BTG4: variants seen among roughly 807,000 people sequenced by gnomAD.
The protein encoded by BTG4 is protein BTG4.
A neutral mutation model predicts 19.3 loss-of-function variants in BTG4; 10 were observed. That is an observed-to-expected ratio of 0.52 (90% CI 0.32 to 0.88). BTG4 has a LOEUF of 0.88. BTG4 is among the 40% of genes least tolerant of loss of function. BTG4 has a pLI of 0.04. For missense variants in BTG4, 238 were observed against 281.9 expected, an observed-to-expected ratio of 0.84 and a Z score of 1.11; for synonymous variants, 91 against 95.7, an observed-to-expected ratio of 0.95 and a Z score of 0.29.
chr11:111,431,334 C>G, the BTG4 span, among the ~76,000 whole-genome samples: 8 of 152,174 alleles, frequency 5.3e-5, no homozygotes, highest in African/African-American at 1.9e-4. Flanking sequence ...ACTGAATTTA[C>G]AGTATCTCAT....
chr11:111,423,524 A>G, the BTG4 span, among the ~76,000 whole-genome samples: 8 of 152,246 alleles, frequency 5.3e-5, no homozygotes, highest in East Asian at 1.5e-3. Flanking sequence ...CCTACTAACT[A>G]CCTCCCAGAG....
At chr11:111,424,864 C>G in the BTG4 span, among the ~76,000 whole-genome samples, 2 of 152,106 alleles carry the variant, frequency 1.3e-5, no homozygotes, top group Admixed American at 1.3e-4. Context: ...GAGGCTGATG[C>G]AGGAGAATCA....
Position 111,494,877 on chromosome 11 carries a change from A to G in BTG4, c.*258T>C. The G allele has an allele frequency of 1.0e-6, 1 of 983,148 alleles. No individual in the cohort carries two copies. The highest frequency in any genetic ancestry group is 1.2e-6 in the Non-Finnish European group (1 of 827,826). The allele number at this position is 983,148 out of a possible 1,614,324, so 60.9% of individuals were successfully genotyped here. A position where few individuals can be genotyped will look rare whatever the true frequency, so the allele number is the denominator to read the frequency against. ...TTCATAATTCATTGAGTCTTATTAG[A>G]GGTCAACATCTTCATTCTGTTACCT... On this transcript the variant is annotated 3_prime_UTR_variant, in exon 5 of 5. Transcript: ENST00000692032.
At chr11:111,402,058 T>A in the BTG4 span, among the ~76,000 whole-genome samples, 1 of 152,212 alleles carries the variant, frequency 6.6e-6, no homozygotes, top group Non-Finnish European at 1.5e-5. Flanking sequence ...AATCCCCACA[T>A]GTCATGGGAG....
intron 1 of BTG4, among the ~76,000 whole-genome samples, chr11:111,502,267 C>T (rs1201997464): frequency 1.3e-5 from 2 of 152,068 alleles, no homozygotes; most frequent in Non-Finnish European, 2.9e-5. Flanking sequence ...CCACCACGCC[C>T]GGCCAAGACA....
the BTG4 span, among the ~76,000 whole-genome samples, chr11:111,398,691 T>A: frequency 6.6e-6 from 1 of 152,170 alleles, no homozygotes; most frequent in Non-Finnish European, 1.5e-5. Flanking sequence ...GTGCTGCTGC[T>A]GGTCTGGGAA....
chr11:111,427,070 G>A, the BTG4 span, among the ~76,000 whole-genome samples: 1 of 152,152 alleles, frequency 6.6e-6, no homozygotes, highest in Non-Finnish European at 1.5e-5. Flanking sequence ...CTTCATAAGT[G>A]GGTAAGAAAA....
the BTG4 span, chr11:111,455,047 G>A: frequency 1.1e-5 from 5 of 455,846 alleles, no homozygotes; most frequent in Non-Finnish European, 1.8e-5. Context: ...CCCAGCCTCC[G>A]CTAACCGGCT....
chr11:111,503,979 T>A (rs1437696037), intron 1 of BTG4, among the ~76,000 whole-genome samples: 2 of 152,152 alleles, frequency 1.3e-5, no homozygotes, highest in African/African-American at 4.8e-5. Flanking sequence ...AAAGTAATTT[T>A]AAAATATCAT....
the BTG4 span, among the ~76,000 whole-genome samples, chr11:111,413,526 T>C: frequency 6.6e-6 from 1 of 152,260 alleles, no homozygotes; most frequent in East Asian, 1.9e-4. Flanking sequence ...ACAATAAAGA[T>C]ATCCTTTTTG....
At chr11:111,472,050 C>G (rs778682187) in intron 5 of BTG4, among the ~76,000 whole-genome samples, 6 of 152,238 alleles carry the variant, frequency 3.9e-5, no homozygotes, top group Non-Finnish European at 7.3e-5. Context: ...GCCCGGATTA[C>G]TATAATCCTT....
the BTG4 span, among the ~76,000 whole-genome samples, chr11:111,411,784 G>C: frequency 6.6e-6 from 1 of 152,140 alleles, no homozygotes; most frequent in South Asian, 2.1e-4. Flanking sequence ...AAAAAAGTAA[G>C]CTCCATGGTA....
At chr11:111,504,454 G>A (rs1032600518) in intron 1 of BTG4, among the ~76,000 whole-genome samples, 17 of 151,934 alleles carry the variant, frequency 1.1e-4, no homozygotes, top group East Asian at 3.8e-4. Context: ...TGTTTTATCC[G>A]CCACAAGCTT....
At chr11:111,435,717 T>C in the BTG4 span, among the ~76,000 whole-genome samples, 3,126 of 152,206 alleles carry the variant, frequency 0.021, 120 homozygotes, top group African/African-American at 0.072. Context: ...AGCAGAGATG[T>C]TGGGGAAGAT....
the BTG4 span, among the ~76,000 whole-genome samples, chr11:111,428,783 T>C: frequency 6.6e-6 from 1 of 152,094 alleles, no homozygotes; most frequent in Non-Finnish European, 1.5e-5. Context: ...GGTCTACCAG[T>C]GTGAGAGGCA....
downstream of BTG4, chr11:111,463,162 C>A (rs1863505146): frequency 6.5e-6 from 1 of 152,704 alleles, no homozygotes; most frequent in Non-Finnish European, 1.5e-5. Flanking sequence ...CCAGCTGTTG[C>A]ACACCCAGGT....
chr11:111,511,660 G>A (rs1866926647), intron 1 of BTG4, among the ~76,000 whole-genome samples: 2 of 152,228 alleles, frequency 1.3e-5, no homozygotes, highest in African/African-American at 4.8e-5. Flanking sequence ...AGGCAAAGGA[G>A]GGGAAGGAAA....
At chr11:111,485,232 A>C (rs528306917) in intron 5 of BTG4, among the ~76,000 whole-genome samples, 1 of 152,284 alleles carries the variant, frequency 6.6e-6, no homozygotes, top group East Asian at 1.9e-4. Context: ...CACTGGACTT[A>C]ATCTGTACTG....
chr11:111,436,318 A>G, the BTG4 span, among the ~76,000 whole-genome samples: 3 of 152,180 alleles, frequency 2.0e-5, no homozygotes, highest in Non-Finnish European at 2.9e-5. Flanking sequence ...TGGCAACTGG[A>G]TAAATGGGGG....
Sources: allele counts gnomAD v4.1 joint callset (sites outside exome capture counted in the v4.1 genomes callset), GRCh38; gene constraint gnomAD v4.1.1; transcripts MANE v1.5; gene names NCBI Gene and HGNC (gene_info 2026-07-23, HGNC 2026-07-21).